PID1: variants seen among roughly 807,000 people sequenced by gnomAD.
PID1 encodes the protein phosphotyrosine interaction domain containing 1.
In PID1, 10 loss-of-function variants were observed where a neutral mutation model predicts 19.1. The ratio of observed to expected loss-of-function variants is 0.52; its 90% confidence interval spans 0.32 to 0.89. The LOEUF (loss-of-function observed/expected upper bound fraction) is 0.89, where lower values mean the gene tolerates loss of function less well. PID1 is among the 40% of genes least tolerant of loss of function. The pLI is 0.03. For missense variants in PID1, 248 were observed against 285.3 expected, an observed-to-expected ratio of 0.87 and a Z score of 0.94; for synonymous variants, 130 against 116.0, an observed-to-expected ratio of 1.12 and a Z score of -0.78.
At chr2:229,217,720 T>C (rs1691879165) in intron 1 of PID1, among the ~76,000 whole-genome samples, 1 of 152,222 alleles carries the variant, frequency 6.6e-6, no homozygotes, top group South Asian at 2.1e-4. Flanking sequence ...AAGTTCCTCA[T>C]GGTAAAAAGT....
At chr2:229,082,126 T>C (rs1308735023) in intron 2 of PID1, among the ~76,000 whole-genome samples, 2 of 152,224 alleles carry the variant, frequency 1.3e-5, no homozygotes, top group Non-Finnish European at 2.9e-5. Flanking sequence ...TCTTGAGATG[T>C]CACCATGATA....
At chr2:229,214,342 C>G (rs955837763) in intron 1 of PID1, among the ~76,000 whole-genome samples, 3 of 152,104 alleles carry the variant, frequency 2.0e-5, no homozygotes, top group Non-Finnish European at 4.4e-5. Context: ...ATCCCCCATC[C>G]GGAGCAAGCA....
At chr2:229,219,770 C>G (rs1691925115) in intron 1 of PID1, among the ~76,000 whole-genome samples, 1 of 152,122 alleles carries the variant, frequency 6.6e-6, no homozygotes, top group Non-Finnish European at 1.5e-5. Context: ...ATCCTCCCAC[C>G]TGGACCTCTC....
intron 2 of PID1, among the ~76,000 whole-genome samples, chr2:229,151,513 T>C (rs1690251200): frequency 6.6e-6 from 1 of 152,186 alleles, no homozygotes; most frequent in Non-Finnish European, 1.5e-5. Context: ...AATTAACACC[T>C]GTTCTTTAAT....
intron 1 of PID1, among the ~76,000 whole-genome samples, chr2:229,158,441 T>G (rs1023773553): frequency 1.1e-4 from 17 of 152,232 alleles, no homozygotes. Context: ...TTGTTTACTT[T>G]ATTGTCTTCC....
intron 2 of PID1, among the ~76,000 whole-genome samples, chr2:229,131,900 A>G (rs1001077114): frequency 6.6e-6 from 1 of 152,082 alleles, no homozygotes; most frequent in African/African-American, 2.4e-5. Context: ...GAGGGTGGGC[A>G]GAAGATTAGT....
chr2:229,052,288 GAAA>G (rs1295395792), intron 2 of PID1, among the ~76,000 whole-genome samples: 1 of 150,848 alleles, frequency 6.6e-6, no homozygotes, highest in African/African-American at 2.4e-5. Flanking sequence ...GGCCCCTGGG[GAAA>G]AAAAAATCCC....
intron 2 of PID1, among the ~76,000 whole-genome samples, chr2:229,093,690 G>GA (rs1244191977): frequency 6.6e-6 from 1 of 151,536 alleles, no homozygotes; most frequent in Non-Finnish European, 1.5e-5. Flanking sequence ...AACTTTAAAA[G>GA]AAAAAAATCA....
chr2:229,162,578 T>C (rs1690512444), intron 1 of PID1, among the ~76,000 whole-genome samples: 1 of 152,224 alleles, frequency 6.6e-6, no homozygotes, highest in Admixed American at 6.5e-5. Context: ...ATATGGCAAA[T>C]GTTCATCTTA....
chr2:229,230,862 T>C (rs1401205397), intron 1 of PID1, among the ~76,000 whole-genome samples: 1 of 152,098 alleles, frequency 6.6e-6, no homozygotes, highest in Non-Finnish European at 1.5e-5. Flanking sequence ...CAATATAAAA[T>C]ATAGAATATA....
intron 2 of PID1, among the ~76,000 whole-genome samples, chr2:229,083,699 T>C (rs555420775): frequency 2.4e-4 from 36 of 152,242 alleles, no homozygotes; most frequent in Middle Eastern, 3.4e-3. Flanking sequence ...GAGAGTGAAA[T>C]TGACCCAGGG....
At chr2:229,205,270 CAA>C (rs1435302394) in intron 1 of PID1, among the ~76,000 whole-genome samples, 4 of 151,872 alleles carry the variant, frequency 2.6e-5, no homozygotes, top group Admixed American at 6.6e-5. Flanking sequence ...CATACACACA[CAA>C]ACACACACAT....
Position 229,025,812 on chromosome 2 carries a change from C to A in PID1, c.474G>T (p.Leu158=). The change falls in exon 3 of 3, where the codon CTG becomes CTT. Residue 158 remains leucine (L), a synonymous_variant. Transcript: ENST00000392055. ...AWVYREINDD[L]SYQMDCHAVE... ...CGGCGTGGCAGTCCATCTGGTAGGA[C>A]AGGTCATCATTGATCTCCCTGTAGA... The A allele has an allele frequency of 6.2e-7, 1 of 1,614,230 alleles. No individual in the cohort carries two copies. The highest frequency in any genetic ancestry group is 1.1e-5 in the South Asian group (1 of 91,088).
intron 2 of PID1, among the ~76,000 whole-genome samples, chr2:229,154,271 C>T (rs1181617395): frequency 6.6e-6 from 1 of 152,116 alleles, no homozygotes; most frequent in African/African-American, 2.4e-5. Flanking sequence ...TCCCCCCACC[C>T]CCAGCGCCAC....
Position 229,162,278 on chromosome 2 carries a change from A to T in PID1, c.31-6314T>A, listed in dbSNP as rs568120954. ...ACAGTTGGCGCTGCTTCCTACCCCTATTCAGACATTAATCTCTGACAGTTT... is the reference window on the plus strand; with the variant it reads ...ACAGTTGGCGCTGCTTCCTACCCCTTTTCAGACATTAATCTCTGACAGTTT... On this transcript the variant is annotated intron_variant, in intron 1 of 2. Transcript: ENST00000392055. Among the ~76,000 whole-genome samples the T allele has an allele frequency of 4.6e-5, 7 of 152,276 alleles. No homozygotes were observed. In the South Asian group the frequency reaches 1.5e-3, roughly 32 times the overall value.
chr2:229,217,821 A>G (rs937606142), intron 1 of PID1, among the ~76,000 whole-genome samples: 8 of 152,130 alleles, frequency 5.3e-5, no homozygotes, highest in African/African-American at 1.9e-4. Context: ...AGGTCTAAAC[A>G]TGGTCCTTAG....
At chr2:229,222,319 T>C (rs1159662578) in intron 1 of PID1, among the ~76,000 whole-genome samples, 1 of 152,192 alleles carries the variant, frequency 6.6e-6, no homozygotes, top group Non-Finnish European at 1.5e-5. Context: ...ATGGTCACTA[T>C]TGTTATTTTT....
chr2:229,097,291 G>A (rs1201036680), intron 2 of PID1, among the ~76,000 whole-genome samples: 1 of 152,078 alleles, frequency 6.6e-6, no homozygotes, highest in Non-Finnish European at 1.5e-5. Flanking sequence ...GTTCTTTGTC[G>A]CATATAGAGA....
intron 2 of PID1, among the ~76,000 whole-genome samples, chr2:229,096,520 T>A (rs760731015): frequency 6.6e-6 from 1 of 152,162 alleles, no homozygotes; most frequent in African/African-American, 2.4e-5. Context: ...CCATGTGACA[T>A]AAAGAAGACA....
Sources: gnomAD v4.1 joint callset for allele counts (sites outside exome capture counted in the v4.1 genomes callset) on GRCh38, gnomAD v4.1.1 for gene constraint, MANE v1.5 for transcripts, NCBI Gene and HGNC (gene_info 2026-07-23, HGNC 2026-07-21) for gene names.